The following RBFOX1 variants were observed in gnomAD, a reference collection of about 807,000 sequenced individuals.
RBFOX1 encodes the protein RNA binding protein fox-1 homolog 1.
A neutral mutation model predicts 57.7 loss-of-function variants in RBFOX1; 8 were observed. The observed-to-expected ratio is 0.14, with a 90% CI of 0.08 to 0.25. RBFOX1 has a LOEUF of 0.25. Ranked by LOEUF, RBFOX1 falls within the 10% of genes least tolerant of loss-of-function variation. The pLI is 1.00. For missense variants in RBFOX1, 611 were observed against 548.5 expected (o/e 1.11, Z -1.14); for synonymous variants, 326 against 222.4 (o/e 1.47, Z -4.15).
intron 2 of RBFOX1, among the ~76,000 whole-genome samples, chr16:5,514,334 G>C (rs1279034847): frequency 6.6e-6 from 1 of 152,184 alleles, no homozygotes. Context: ...GTCTGGGCAT[G>C]TGTTTCTCAT....
At chr16:5,869,635 C>T (rs1356932304) in intron 4 of RBFOX1, among the ~76,000 whole-genome samples, 1 of 152,140 alleles carries the variant, frequency 6.6e-6, no homozygotes, top group Non-Finnish European at 1.5e-5. Flanking sequence ...CTCTTGACCA[C>T]CTCGTGATCT....
chr16:5,763,589 T>A (rs767559068), intron 3 of RBFOX1, among the ~76,000 whole-genome samples: 1 of 152,264 alleles, frequency 6.6e-6, no homozygotes, highest in Non-Finnish European at 1.5e-5. Context: ...ATTTTATTTT[T>A]AAAAATTGCT....
At chr16:5,834,088 A>T (rs1466376186) in intron 3 of RBFOX1, among the ~76,000 whole-genome samples, 1 of 152,214 alleles carries the variant, frequency 6.6e-6, no homozygotes, top group Non-Finnish European at 1.5e-5. Flanking sequence ...TTAGTTGCAG[A>T]GGTCGTCTGT....
intron 4 of RBFOX1, among the ~76,000 whole-genome samples, chr16:7,420,158 C>G (rs868693190): frequency 9.2e-5 from 14 of 152,092 alleles, no homozygotes; most frequent in African/African-American, 3.4e-4. Flanking sequence ...TATATGCTCT[C>G]TCTCCAGTCT....
At chr16:7,480,621 T>C (rs1003076256) in intron 4 of RBFOX1, among the ~76,000 whole-genome samples, 2 of 152,234 alleles carry the variant, frequency 1.3e-5, no homozygotes, top group Non-Finnish European at 2.9e-5. Context: ...GGATTCCCTC[T>C]TGCCTGAAGG....
At chr16:5,627,031 C>A (rs781697328) in intron 3 of RBFOX1, among the ~76,000 whole-genome samples, 2 of 152,100 alleles carry the variant, frequency 1.3e-5, no homozygotes, top group African/African-American at 4.8e-5. Context: ...TTGTTAATTA[C>A]TTTTATGTGA....
In RBFOX1 at chr16:6,955,864, C is replaced by G. The variant is rs902598993; in HGVS notation, c.-15-96193C>G. On this transcript the variant is annotated intron_variant, in intron 3 of 15. Transcript: ENST00000550418. Reference sequence around the variant, plus strand: ...GGGATTATAGATGCATGCCACCATGCTCAGCTAAATTTTGTAATTTTAGTA... The same window carrying G: ...GGGATTATAGATGCATGCCACCATGGTCAGCTAAATTTTGTAATTTTAGTA... Among the ~76,000 whole-genome samples the G allele has an allele frequency of 7.2e-5, 11 of 152,018 alleles. 1 individual carries two copies. The highest frequency in any genetic ancestry group is 2.2e-4 in the African/African-American group (9 of 41,398).
At chr16:7,357,859 G>A (rs1228019111) in intron 4 of RBFOX1, among the ~76,000 whole-genome samples, 1 of 151,978 alleles carries the variant, frequency 6.6e-6, no homozygotes, top group Non-Finnish European at 1.5e-5. Flanking sequence ...TTCCATTCAT[G>A]GAAGATATTT....
At position 6,467,078 on chromosome 16, in the gene RBFOX1, A is replaced by C. The variant is rs187845921; in HGVS notation, c.-64+150021A>C. ...CATATGGGATTTTATTTAATATACT[A>C]ACCATTTAATGTAATATAATAAAAT... On this transcript the variant is annotated intron_variant, in intron 2 of 15. Transcript: ENST00000550418. Among the ~76,000 whole-genome samples, 326 of 151,122 alleles carry C rather than the reference A, an allele frequency of 2.2e-3. 6 individuals carry two copies. In the South Asian group the frequency reaches 0.022, roughly 10 times the overall value.
Position 7,292,482 on chromosome 16 carries a change from A to G in RBFOX1, c.28-225665A>G, listed in dbSNP as rs531552529. 1.2e-4 allele frequency among the ~76,000 whole-genome samples: 17 copies of G among 144,342 alleles called. No homozygotes were observed. The South Asian group carries it at 3.2e-3, about 27-fold the overall frequency. 94.7% of individuals were successfully genotyped at this position (144,342 alleles called of 152,430 possible). A position where few individuals can be genotyped will look rare whatever the true frequency, so the allele number is the denominator to read the frequency against. ...TTATATATAATATATAATGTATTAT[A>G]TAATATGTATTATGTATTATATATA... On this transcript the variant is annotated intron_variant, in intron 4 of 15. Coordinates refer to ENST00000550418, the MANE Select transcript of RBFOX1 (RefSeq NM_018723.4).
intron 3 of RBFOX1, among the ~76,000 whole-genome samples, chr16:6,667,748 G>T (rs2098741726): frequency 6.6e-6 from 1 of 152,114 alleles, no homozygotes; most frequent in Admixed American, 6.6e-5. Context: ...ACATAGTTAG[G>T]CATGATGGTG....
chr16:7,122,193 T>C (rs2067340982), intron 4 of RBFOX1, among the ~76,000 whole-genome samples: 1 of 152,100 alleles, frequency 6.6e-6, no homozygotes, highest in Non-Finnish European at 1.5e-5. Flanking sequence ...TATGTGAAGG[T>C]CTCTATTAAA....
chr16:6,183,964 T>C (rs575669419), intron 1 of RBFOX1, among the ~76,000 whole-genome samples: 1 of 152,250 alleles, frequency 6.6e-6, no homozygotes, highest in South Asian at 2.1e-4. Context: ...AGTGGGTCAT[T>C]TATAAAGAAA....
chr16:6,010,393 C>G (rs778526089), intron 4 of RBFOX1, among the ~76,000 whole-genome samples: 7 of 152,296 alleles, frequency 4.6e-5, no homozygotes, highest in Non-Finnish European at 8.8e-5. Context: ...TATACTAGCT[C>G]CAAGAAGTCT....
chr16:5,525,820 A>G (rs2044223315), intron 2 of RBFOX1, among the ~76,000 whole-genome samples: 1 of 151,962 alleles, frequency 6.6e-6, no homozygotes. Flanking sequence ...TCTTAACACA[A>G]CAGTTCCCTC....
intron 3 of RBFOX1, among the ~76,000 whole-genome samples, chr16:5,671,059 C>G (rs987414810): frequency 6.6e-6 from 1 of 152,242 alleles, no homozygotes; most frequent in Non-Finnish European, 1.5e-5. Flanking sequence ...TCAGCAAATG[C>G]TGGGTGCTCT....
intron 1 of RBFOX1, among the ~76,000 whole-genome samples, chr16:5,328,955 G>A (rs2064666662): frequency 2.0e-5 from 3 of 152,146 alleles, no homozygotes; most frequent in South Asian, 2.1e-4. Context: ...AGATGCTTCC[G>A]AATACTTTAT....
intron 2 of RBFOX1, among the ~76,000 whole-genome samples, chr16:5,528,975 C>T (rs185297998): frequency 2.6e-5 from 4 of 152,104 alleles, no homozygotes; most frequent in Non-Finnish European, 4.4e-5. Context: ...TTCTATTACT[C>T]ATAAACCTGA....
intron 4 of RBFOX1, among the ~76,000 whole-genome samples, chr16:7,473,235 G>C (rs2061925304): frequency 6.6e-6 from 1 of 151,920 alleles, no homozygotes; most frequent in Non-Finnish European, 1.5e-5. Flanking sequence ...AAAACTAGCT[G>C]GGCATGGTGG....
Sources: gnomAD v4.1 joint callset for allele counts (sites outside exome capture counted in the v4.1 genomes callset) on GRCh38, gnomAD v4.1.1 for gene constraint, MANE v1.5 for transcripts, NCBI Gene and HGNC (gene_info 2026-07-23, HGNC 2026-07-21) for gene names.